Variants in PCDHA5 observed in about 807,000 individuals in gnomAD.
PCDHA5 encodes protocadherin alpha-5.
Under a neutral mutation model 61.6 loss-of-function variants are expected in PCDHA5, and 43 were observed. The observed-to-expected ratio is 0.70, with a 90% CI of 0.55 to 0.90. PCDHA5 has a LOEUF of 0.90. Among genes scored for constraint, PCDHA5 ranks in the 40% least tolerant of loss-of-function variants. The probability of loss-of-function intolerance (pLI) is 0.00; values close to 1 mark genes in which losing one functional copy is unlikely to be tolerated. For synonymous variants in PCDHA5, 627 were observed against 543.9 expected (o/e 1.15, Z -2.13); for missense variants, 1,298 against 1,222.7 (o/e 1.06, Z -0.92).
At chr5:140,948,861 A>G (rs1298940496) in intron 1 of PCDHA5, among the ~76,000 whole-genome samples, 1 of 151,528 alleles carries the variant, frequency 6.6e-6, no homozygotes, top group African/African-American at 2.4e-5. Flanking sequence ...TTCTTATATT[A>G]CTTCGGGTTT....
intron 1 of PCDHA5, chr5:140,841,810 A>C (rs2150323152): frequency 5.6e-6 from 9 of 1,613,740 alleles, no homozygotes; most frequent in East Asian, 2.2e-5. Flanking sequence ...CAGATGTTGG[A>C]GCTAACTCCG....
chr5:140,873,211 T>C (rs560514188), intron 1 of PCDHA5, among the ~76,000 whole-genome samples: 2 of 152,272 alleles, frequency 1.3e-5, no homozygotes, highest in Admixed American at 6.5e-5. Flanking sequence ...TCTTTAAGTA[T>C]TAAAGAGAAG....
In PCDHA5 at chr5:141,011,088, T is replaced by TTCTC. The variant is rs375099849; in HGVS notation, c.*1165_*1168dup. 6.6e-6 allele frequency: 1 copy of TTCTC among 152,032 alleles called. No homozygotes were observed. Among genetic ancestry groups the TTCTC allele is most frequent in the Non-Finnish European group, 1.5e-5 (1 of 67,462 alleles). 9.4% of individuals were successfully genotyped at this position (152,032 alleles called of 1,614,324 possible). A position where few individuals can be genotyped will look rare whatever the true frequency, so the allele number is the denominator to read the frequency against. On this transcript the variant is annotated 3_prime_UTR_variant, in exon 4 of 4. Transcript: ENST00000529859. The stretch of plus-strand genomic sequence containing the variant: ...TATTACTAAATAAAATGATCTCTCT[T>TTCTC]TCTCTCTCTCTCTCTCTTTTCTAAG...
chr5:140,982,300 G>A (rs2096976836), intron 2 of PCDHA5, 175 bp from the exon 3 acceptor site: 1 of 1,204,506 alleles, frequency 8.3e-7, no homozygotes, highest in South Asian at 1.7e-5. Flanking sequence ...AGTCAGCAAT[G>A]CTTCTGCAGT....
intron 3 of PCDHA5, among the ~76,000 whole-genome samples, chr5:140,998,767 T>C (rs367972918): frequency 5.3e-5 from 8 of 152,312 alleles, no homozygotes; most frequent in African/African-American, 1.9e-4. Flanking sequence ...TTTCACTATG[T>C]TGGTCAGGCT....
chr5:140,883,551 G>T, intron 1 of PCDHA5: 4 of 1,614,234 alleles, frequency 2.5e-6, no homozygotes, highest in Non-Finnish European at 3.4e-6. Flanking sequence ...GTGACCGCGC[G>T]GGACGGGGGC....
At chr5:140,964,199 A>C (rs1183847716) in intron 1 of PCDHA5, among the ~76,000 whole-genome samples, 1 of 152,240 alleles carries the variant, frequency 6.6e-6, no homozygotes, top group Admixed American at 6.5e-5. Context: ...AGAGTATACC[A>C]TCTCTTTAGT....
chr5:140,887,672 T>G (rs2061538471), intron 1 of PCDHA5, among the ~76,000 whole-genome samples: 1 of 152,180 alleles, frequency 6.6e-6, no homozygotes, highest in Admixed American at 6.5e-5. Flanking sequence ...GGATTTATCA[T>G]TTTCATCAAA....
At chr5:140,981,859 C>A (rs2096954450) in intron 2 of PCDHA5, among the ~76,000 whole-genome samples, 1 of 152,118 alleles carries the variant, frequency 6.6e-6, no homozygotes, top group African/African-American at 2.4e-5. Flanking sequence ...TCACTCCCAG[C>A]AATGTTTTAT....
chr5:140,829,994 C>A, intron 1 of PCDHA5: 1 of 1,613,984 alleles, frequency 6.2e-7, no homozygotes, highest in South Asian at 1.1e-5. Context: ...CAGCACCACT[C>A]GTGTCCTGGA....
intron 3 of PCDHA5, among the ~76,000 whole-genome samples, chr5:140,985,532 G>C (rs1358120172): frequency 6.6e-6 from 1 of 152,072 alleles, no homozygotes; most frequent in African/African-American, 2.4e-5. Flanking sequence ...AAAGCTTCAC[G>C]GTGAAGATGC....
At chr5:141,008,863 C>A (rs902385521) in intron 3 of PCDHA5, among the ~76,000 whole-genome samples, 2 of 152,204 alleles carry the variant, frequency 1.3e-5, no homozygotes, top group African/African-American at 2.4e-5. Flanking sequence ...CTCTTCCATG[C>A]TGCATCCCAC....
intron 1 of PCDHA5, chr5:140,875,267 C>T (rs1203068511): frequency 2.5e-6 from 3 of 1,210,992 alleles, no homozygotes; most frequent in Admixed American, 3.0e-5. Context: ...TGTCGCTCTA[C>T]ACTCAGAAGG....
chr5:140,836,550 T>G, intron 1 of PCDHA5: 1 of 1,613,712 alleles, frequency 6.2e-7, no homozygotes, highest in Non-Finnish European at 8.5e-7. Context: ...GGCGTTGCGG[T>G]GCTCAGCGCC....
chr5:140,910,708 A>G (rs1227801513), intron 1 of PCDHA5, among the ~76,000 whole-genome samples: 2 of 152,164 alleles, frequency 1.3e-5, no homozygotes, highest in African/African-American at 4.8e-5. Context: ...ACAGTGGGCC[A>G]TCTTTTAATC....
At chr5:140,874,672 C>A (rs2055057233) in intron 1 of PCDHA5, among the ~76,000 whole-genome samples, 1 of 152,126 alleles carries the variant, frequency 6.6e-6, no homozygotes, top group South Asian at 2.1e-4. Flanking sequence ...GAATCTATTC[C>A]TGAGATTTGT....
At chr5:140,877,500 A>G (rs781878840) in intron 1 of PCDHA5, 80 of 1,613,694 alleles carry the variant, frequency 5.0e-5, no homozygotes, top group Non-Finnish European at 6.6e-5. Flanking sequence ...GCCAGGCCCC[A>G]AAGACGTCGT....
chr5:140,917,442 G>C (rs186885625), intron 1 of PCDHA5, among the ~76,000 whole-genome samples: 5 of 152,072 alleles, frequency 3.3e-5, no homozygotes, highest in Admixed American at 3.3e-4. Flanking sequence ...TGTTTTTGCT[G>C]CAAGAGCGTT....
At chr5:140,894,405 C>T (rs1277416530) in intron 1 of PCDHA5, among the ~76,000 whole-genome samples, 4 of 151,926 alleles carry the variant, frequency 2.6e-5, no homozygotes, top group African/African-American at 9.7e-5. Flanking sequence ...CTTTGCTTTT[C>T]TTTTGTAGCT....
Sources: allele counts gnomAD v4.1 joint callset (sites outside exome capture counted in the v4.1 genomes callset), GRCh38; gene constraint gnomAD v4.1.1; transcripts MANE v1.5; gene names NCBI Gene and HGNC (gene_info 2026-07-23, HGNC 2026-07-21).